LPAR3: variants seen among roughly 807,000 people sequenced by gnomAD.
The protein encoded by LPAR3 is LPA receptor 3.
LPAR3 carries 7 observed loss-of-function variants against 17.8 expected under a neutral mutation model. The observed-to-expected ratio is 0.39, with a 90% confidence interval of 0.22 to 0.74. The LOEUF is 0.74. Among genes scored for constraint, LPAR3 ranks in the 30% least tolerant of loss-of-function variants. The pLI, the probability that LPAR3 is intolerant of heterozygous loss-of-function variation, is 0.40. For synonymous variants in LPAR3, 179 were observed against 179.9 expected (o/e 0.99, Z 0.04); for missense variants, 391 against 453.4 (o/e 0.86, Z 1.25).
intron 1 of LPAR3, among the ~76,000 whole-genome samples, chr1:84,873,952 G>A (rs974553570): frequency 2.0e-5 from 3 of 151,992 alleles, no homozygotes; most frequent in African/African-American, 4.8e-5. Flanking sequence ...GGGGTTTCAC[G>A]GTGTTGGCCA....
intron 1 of LPAR3, among the ~76,000 whole-genome samples, chr1:84,872,689 G>A (rs1369392064): frequency 2.0e-5 from 3 of 152,086 alleles, no homozygotes; most frequent in Non-Finnish European, 4.4e-5. Flanking sequence ...TAGATATTCC[G>A]CTGTAAAGGA....
intron 2 of LPAR3, among the ~76,000 whole-genome samples, chr1:84,831,478 T>A (rs970533624): frequency 6.6e-6 from 1 of 152,070 alleles, no homozygotes. Flanking sequence ...ATAAGCCAAA[T>A]TAAATCTTAA....
Position 84,813,001 on chromosome 1 carries a change from G to C in LPAR3, c.*845C>G, listed in dbSNP as rs969864520. 13 of 151,192 alleles carry C rather than the reference G, an allele frequency of 8.6e-5. No individual in the cohort carries two copies. The highest frequency in any genetic ancestry group is 3.2e-4 in the African/African-American group (13 of 41,064). The allele number at this position is 151,192 out of a possible 1,614,324, so 9.4% of individuals were successfully genotyped here. A position where few individuals can be genotyped will look rare whatever the true frequency, so the allele number is the denominator to read the frequency against. On this transcript the variant is annotated 3_prime_UTR_variant, in exon 3 of 3. Transcript: ENST00000370611. ...ATGTGGACTGGCGGGAGGCAGTCTG[G>C]GGCGGTAACCCCGTATCTGAAATAC...
At chr1:84,860,889 C>T (rs1039219161) in intron 2 of LPAR3, among the ~76,000 whole-genome samples, 1 of 151,976 alleles carries the variant, frequency 6.6e-6, no homozygotes, top group Non-Finnish European at 1.5e-5. Flanking sequence ...CAGGTGCCTA[C>T]CATCAAACCC....
At chr1:84,836,458 A>G (rs1443857510) in intron 2 of LPAR3, among the ~76,000 whole-genome samples, 2 of 152,174 alleles carry the variant, frequency 1.3e-5, no homozygotes, top group Non-Finnish European at 2.9e-5. Flanking sequence ...CCACTCATGT[A>G]TAAAATATTT....
chr1:84,864,501 CA>C (rs1326076255), intron 2 of LPAR3, among the ~76,000 whole-genome samples: 1 of 152,142 alleles, frequency 6.6e-6, no homozygotes, highest in Non-Finnish European at 1.5e-5. Context: ...AAACAGTAGC[CA>C]GAGAGATACC....
chr1:84,833,971 T>C (rs994721732), intron 2 of LPAR3, among the ~76,000 whole-genome samples: 2 of 152,218 alleles, frequency 1.3e-5, no homozygotes, highest in African/African-American at 2.4e-5. Context: ...GCTATTCTTT[T>C]CTAACTAATT....
At chr1:84,861,672 C>T (rs947990763) in intron 2 of LPAR3, among the ~76,000 whole-genome samples, 1 of 152,154 alleles carries the variant, frequency 6.6e-6, no homozygotes, top group Non-Finnish European at 1.5e-5. Flanking sequence ...AGCCTTACAC[C>T]ACCTAGCTCT....
chr1:84,829,034 C>T (rs1659227736), intron 2 of LPAR3, among the ~76,000 whole-genome samples: 1 of 150,480 alleles, frequency 6.6e-6, no homozygotes, highest in Non-Finnish European at 1.5e-5. Context: ...GTTTAGGTCT[C>T]AGCTCCAAGG....
At position 84,813,980 on chromosome 1, in the gene LPAR3, A is replaced by C; in HGVS notation, c.928T>G (p.Cys310Gly). 6.2e-7 allele frequency: 1 copy of C among 1,614,224 alleles called. No individual in the cohort carries two copies. Among genetic ancestry groups the C allele is most frequent in the Non-Finnish European group, 8.5e-7 (1 of 1,180,034 alleles). Residue 310 changes from cysteine to glycine, a missense_variant, in exon 3 of 3, where the codon TGC becomes GGC. Transcript: ENST00000370611. Reference sequence around the variant, plus strand: ...CTCTCTGGGTTCTCCTGAGAGAAGCAGCAGATCATCTTCTTCATGGTGCCA... The same window carrying C: ...CTCTCTGGGTTCTCCTGAGAGAAGCCGCAGATCATCTTCTTCATGGTGCCA... Reference protein sequence around the residue: ...MYGTMKKMICCFSQENPERRP... With the variant: ...MYGTMKKMICGFSQENPERRP...
Position 84,886,650 on chromosome 1 carries a change from T to C in LPAR3, c.-19+6366A>G, listed in dbSNP as rs77826116. 3.9e-3 allele frequency among the ~76,000 whole-genome samples: 593 copies of C among 152,336 alleles called. 7 individuals carry two copies. The highest frequency in any genetic ancestry group is 0.014 in the African/African-American group (567 of 41,570). Reference sequence around the variant, plus strand: ...GGCATGTCAATTTGCTTGACTGTAGTAATTACTTCATTACATCTATGTTTA... The same window carrying C: ...GGCATGTCAATTTGCTTGACTGTAGCAATTACTTCATTACATCTATGTTTA... On this transcript the variant is annotated intron_variant, in intron 1 of 2. Transcript: ENST00000370611.
At chr1:84,882,784 T>A (rs1371610512) in intron 1 of LPAR3, among the ~76,000 whole-genome samples, 1 of 152,234 alleles carries the variant, frequency 6.6e-6, no homozygotes, top group Non-Finnish European at 1.5e-5. Context: ...AACCTGCACG[T>A]TGTGCACATG....
chr1:84,892,492 T>G (rs997119710), intron 1 of LPAR3, among the ~76,000 whole-genome samples: 1 of 152,190 alleles, frequency 6.6e-6, no homozygotes, highest in Non-Finnish European at 1.5e-5. Flanking sequence ...ACCCCGACAG[T>G]GTTGCTAGTT....
chr1:84,869,947 G>A (rs775825969), intron 1 of LPAR3, among the ~76,000 whole-genome samples: 1 of 152,152 alleles, frequency 6.6e-6, no homozygotes, highest in Non-Finnish European at 1.5e-5. Context: ...GACCACACAA[G>A]GATGTAGCTT....
intron 2 of LPAR3, among the ~76,000 whole-genome samples, chr1:84,837,081 A>G (rs909630634): frequency 6.6e-6 from 1 of 150,918 alleles, no homozygotes; most frequent in African/African-American, 2.4e-5. Flanking sequence ...CTGAAGTGCA[A>G]TGGTGCAATG....
chr1:84,865,331 T>C lies in LPAR3; in HGVS notation c.736+54A>G, dbSNP rs188746501. The C allele has an allele frequency of 2.0e-6, 3 of 1,534,164 alleles. No individual in the cohort carries two copies. In the East Asian group the frequency reaches 6.9e-5, roughly 35 times the overall value. On this transcript the variant is annotated intron_variant, in intron 2 of 2. Transcript: ENST00000370611. ...TGCCTGGTACACCACAGATGCTCCG[T>C]AAAGATTTGCTGAATGAATGGGAAT... is the stretch of plus-strand genomic sequence containing the variant.
intron 1 of LPAR3, among the ~76,000 whole-genome samples, chr1:84,874,899 ATTT>A (rs11310847): frequency 2.2e-4 from 30 of 137,302 alleles, no homozygotes; most frequent in East Asian, 6.3e-4. Context: ...GAGAATGTCA[ATTT>A]TTTTTTTTTT....
At chr1:84,879,793 T>C (rs1361131809) in intron 1 of LPAR3, among the ~76,000 whole-genome samples, 2 of 152,066 alleles carry the variant, frequency 1.3e-5, no homozygotes, top group East Asian at 3.9e-4. Flanking sequence ...CCCAAAACAA[T>C]GAAGGTGCCC....
chr1:84,849,309 A>G (rs1659655230), intron 2 of LPAR3, among the ~76,000 whole-genome samples: 1 of 132,562 alleles, frequency 7.5e-6, no homozygotes, highest in Non-Finnish European at 1.5e-5. Flanking sequence ...TGGGAGGCAG[A>G]GGTTGCAGTA....
Sources: allele counts gnomAD v4.1 joint callset (sites outside exome capture counted in the v4.1 genomes callset), GRCh38; gene constraint gnomAD v4.1.1; transcripts MANE v1.5; gene names NCBI Gene and HGNC (gene_info 2026-07-23, HGNC 2026-07-21).